The following MDGA2 variants were observed in gnomAD, a reference collection of about 807,000 sequenced individuals.
MDGA2 encodes MAM domain containing glycosylphosphatidylinositol anchor 2.
A neutral mutation model predicts 117.8 loss-of-function variants in MDGA2; 40 were observed. The observed-to-expected ratio is 0.34, with a 90% CI of 0.26 to 0.44. The LOEUF is 0.44. Among genes scored for constraint, MDGA2 ranks in the 20% least tolerant of loss-of-function variants. MDGA2 has a pLI of 1.00. For synonymous variants in MDGA2, 452 were observed against 439.0 expected, an observed-to-expected ratio of 1.03 and a Z score of -0.37; for missense variants, 1,123 against 1,250.6, an observed-to-expected ratio of 0.90 and a Z score of 1.54.
chr14:47,136,713 T>C (rs970012031), intron 4 of MDGA2, among the ~76,000 whole-genome samples: 1 of 152,208 alleles, frequency 6.6e-6, no homozygotes, highest in African/African-American at 2.4e-5. Flanking sequence ...TCAAATTCTC[T>C]TCCCTACCAT....
At chr14:47,286,803 T>TTATATATATATATATATATATATA (rs34614614) in intron 2 of MDGA2, among the ~76,000 whole-genome samples, 2 of 130,038 alleles carry the variant, frequency 1.5e-5, no homozygotes, top group East Asian at 2.8e-4. Context: ...AGGCATATCA[T>TTATATATATATATATATATATATA]TATATATATA....
intron 1 of MDGA2, among the ~76,000 whole-genome samples, chr14:47,348,139 GTC>G (rs112844787): frequency 9.4e-4 from 135 of 144,246 alleles, no homozygotes; most frequent in Non-Finnish European, 9.5e-4. Context: ...ATTGTGCTCT[GTC>G]TCTCTCTCTC....
At chr14:47,449,206 T>C (rs1400610444) in intron 1 of MDGA2, among the ~76,000 whole-genome samples, 1 of 152,136 alleles carries the variant, frequency 6.6e-6, no homozygotes, top group African/African-American at 2.4e-5. Flanking sequence ...TCTTTACTTT[T>C]GGAAACTCCT....
intron 15 of MDGA2, among the ~76,000 whole-genome samples, chr14:46,852,590 C>T (rs1881103715): frequency 6.6e-6 from 1 of 151,794 alleles, no homozygotes; most frequent in African/African-American, 2.4e-5. Context: ...GAGCAATCTA[C>T]CCAATACTTG....
chr14:47,570,278 T>C (rs908699629), intron 1 of MDGA2, among the ~76,000 whole-genome samples: 5 of 152,100 alleles, frequency 3.3e-5, no homozygotes, highest in African/African-American at 1.2e-4. Context: ...TTGGTGCAAA[T>C]GTAATTGCGG....
intron 1 of MDGA2, among the ~76,000 whole-genome samples, chr14:47,662,579 T>C (rs1897871158): frequency 6.6e-6 from 1 of 152,102 alleles, no homozygotes; most frequent in South Asian, 2.1e-4. Context: ...CAAAAAGATA[T>C]AATGACCATA....
intron 1 of MDGA2, among the ~76,000 whole-genome samples, chr14:47,359,387 A>C (rs1891064394): frequency 6.6e-6 from 1 of 152,036 alleles, no homozygotes; most frequent in Admixed American, 6.6e-5. Flanking sequence ...ACAAACAAAA[A>C]ACATTATGTT....
At chr14:47,604,487 A>ACCCCCCCCCCCCCTCCCCCC (rs60602833) in intron 1 of MDGA2, among the ~76,000 whole-genome samples, 2 of 92,054 alleles carry the variant, frequency 2.2e-5, no homozygotes, top group African/African-American at 4.0e-5. Context: ...CAGCTTCCCC[A>ACCCCCCCCCCCCCTCCCCCC]CCCCCCCCCA....
intron 1 of MDGA2, among the ~76,000 whole-genome samples, chr14:47,463,880 G>C (rs1396504151): frequency 6.6e-6 from 1 of 151,796 alleles, no homozygotes; most frequent in African/African-American, 2.4e-5. Flanking sequence ...CTTATGTAAT[G>C]GCATTACTTT....
chr14:46,900,733 G>A (rs1205286513), intron 10 of MDGA2, among the ~76,000 whole-genome samples: 2 of 152,108 alleles, frequency 1.3e-5, no homozygotes, highest in African/African-American at 2.4e-5. Context: ...GGGAGTCTAC[G>A]GTGATGATAC....
chr14:47,295,194 G>T (rs1889022497), intron 2 of MDGA2, among the ~76,000 whole-genome samples: 1 of 152,126 alleles, frequency 6.6e-6, no homozygotes, highest in Non-Finnish European at 1.5e-5. Context: ...AAGAAGAAAA[G>T]CAGAGCTGCT....
chr14:47,108,301 T>A (rs1880838762), intron 5 of MDGA2, among the ~76,000 whole-genome samples: 1 of 152,144 alleles, frequency 6.6e-6, no homozygotes, highest in Non-Finnish European at 1.5e-5. Context: ...CTTATTAATA[T>A]AAGAAGGCAG....
At chr14:47,657,584 A>T (rs746780885) in intron 1 of MDGA2, among the ~76,000 whole-genome samples, 7 of 152,216 alleles carry the variant, frequency 4.6e-5, no homozygotes, top group Non-Finnish European at 7.3e-5. Context: ...CAAATGAAAG[A>T]TTAGAAATTC....
intron 1 of MDGA2, among the ~76,000 whole-genome samples, chr14:47,544,462 G>A (rs1463331197): frequency 6.6e-6 from 1 of 152,092 alleles, no homozygotes; most frequent in Admixed American, 6.6e-5. Flanking sequence ...TGAATGGGTG[G>A]ATGGGATATG....
rs778945838 is a variant in MDGA2, at chr14:47,674,739, T to C, written c.58A>G (p.Thr20Ala). Residue 20 changes from threonine (T) to alanine (A), a missense_variant, in exon 1 of 17, where the codon ACA becomes GCA. Physicochemically the swap from Thr to Ala is moderately conservative, Grantham distance 58. Around this residue, in one of 2 missense-constraint regions of MDGA2, gnomAD observed 233 missense variants for 200.3 expected, o/e 1.16. Transcript: ENST00000399232. Reference protein sequence around the residue: ...RSARRRRRGRTDGRRFLLRRA... With the variant: ...RSARRRRRGRADGRRFLLRRA... ...CGAAGGAGGAAGCGCCGTCCGTCTG[T>C]CCTTCCCCGGCGGCGGCGGCGAGCG... is the stretch of plus-strand genomic sequence containing the variant. 1.3e-6 allele frequency: 1 copy of C among 762,960 alleles called. No individual in the cohort carries two copies. Among genetic ancestry groups the C allele is most frequent in the East Asian group, 2.7e-5 (1 of 37,246 alleles). 47.3% of individuals were successfully genotyped at this position (762,960 alleles called of 1,614,324 possible). A position where few individuals can be genotyped will look rare whatever the true frequency, so the allele number is the denominator to read the frequency against.
chr14:47,506,246 G>T (rs1566489648), intron 1 of MDGA2, among the ~76,000 whole-genome samples: 1 of 152,014 alleles, frequency 6.6e-6, no homozygotes, highest in Non-Finnish European at 1.5e-5. Context: ...AACTAAGGCT[G>T]ACACATAAGA....
chr14:47,319,696 GA>G (rs1252423635), intron 1 of MDGA2, among the ~76,000 whole-genome samples: 1 of 152,032 alleles, frequency 6.6e-6, no homozygotes, highest in Non-Finnish European at 1.5e-5. Context: ...CTACTACCTT[GA>G]ATCTTTTGTT....
In MDGA2 at chr14:47,500,108, C is replaced by A. The variant is rs1955784; in HGVS notation, c.280+174409G>T. 6.3e-3 allele frequency among the ~76,000 whole-genome samples: 964 copies of A among 152,184 alleles called. 9 individuals are homozygous for A. Among genetic ancestry groups the A allele is most frequent in the African/African-American group, 0.022 (922 of 41,528 alleles). On this transcript the variant is annotated intron_variant, in intron 1 of 16. Transcript: ENST00000399232. ...AAGTATACTTGAAAACATGTATAATCCCCACACATAAATCTGTGTGGCTCA... is the reference window on the plus strand; with the variant it reads ...AAGTATACTTGAAAACATGTATAATACCCACACATAAATCTGTGTGGCTCA...
At chr14:47,107,271 C>A (rs548569031) in intron 5 of MDGA2, among the ~76,000 whole-genome samples, 1 of 152,100 alleles carries the variant, frequency 6.6e-6, no homozygotes, top group South Asian at 2.1e-4. Context: ...CTTACAGTTC[C>A]CCCATTTTAC....
Sources: allele counts gnomAD v4.1 joint callset (sites outside exome capture counted in the v4.1 genomes callset), GRCh38; gene constraint gnomAD v4.1.1; regional missense constraint gnomAD v4.1.1; transcripts MANE v1.5; gene names NCBI Gene and HGNC (gene_info 2026-07-23, HGNC 2026-07-21).